Variants in ZFP82 observed in about 807,000 individuals in gnomAD.
The protein encoded by ZFP82 is ZFP82 zinc finger protein.
In ZFP82, 30 loss-of-function variants were observed where a neutral mutation model predicts 54.0. The observed-to-expected ratio is 0.56, with a 90% CI of 0.42 to 0.75. ZFP82 has a LOEUF of 0.75. ZFP82 is among the 30% of genes least tolerant of loss of function. The pLI is 0.00. For missense variants in ZFP82, 500 were observed against 636.8 expected, an observed-to-expected ratio of 0.79 and a Z score of 2.31; for synonymous variants, 194 against 209.5, an observed-to-expected ratio of 0.93 and a Z score of 0.64.
chr19:36,395,633 G>GTCTCATACACAACAATACA (rs2032280486), intron 4 of ZFP82: 1 of 152,138 alleles, frequency 6.6e-6, no homozygotes, highest in African/African-American at 2.4e-5. Flanking sequence ...CAAGCTGAAT[G>GTCTCATACACAACAATACA]AGTTGTGTAT....
chr19:36,397,429 A>G (rs961951286), intron 4 of ZFP82, among the ~76,000 whole-genome samples: 1 of 151,978 alleles, frequency 6.6e-6, no homozygotes, highest in Admixed American at 6.6e-5. Context: ...AATGTAAGCC[A>G]TGGTTAAGAT....
chr19:36,416,678 C>T (rs112608286), intron 1 of ZFP82, among the ~76,000 whole-genome samples: 4,033 of 150,606 alleles, frequency 0.027, 165 homozygotes, highest in African/African-American at 0.094. Flanking sequence ...ATCGCTTGAA[C>T]CTGGGAGGCG....
chr19:36,403,622 G>GAA (rs369237432), intron 4 of ZFP82, among the ~76,000 whole-genome samples: 38,064 of 131,544 alleles, frequency 0.29, 7,415 homozygotes, highest in African/African-American at 0.52. Context: ...TCCGTCGCAA[G>GAA]AAAAAAAAAA....
At chr19:36,386,407 G>C (rs1342767625), downstream of ZFP82, among the ~76,000 whole-genome samples, 1 of 152,226 alleles carries the variant, frequency 6.6e-6, no homozygotes, top group African/African-American at 2.4e-5. Flanking sequence ...AGTCAGATTT[G>C]TCCATGAGCA....
chr19:36,408,026 A>G lies in ZFP82; in HGVS notation c.10-13T>C. Reference sequence around the variant, plus strand: ...ACATCACTGATCGCTGAAATGACAAACCACACATTATAAATGAAATGGAAG... The same window carrying G: ...ACATCACTGATCGCTGAAATGACAAGCCACACATTATAAATGAAATGGAAG... On this transcript the variant is annotated splice_polypyrimidine_tract_variant and intron_variant, in intron 2 of 4. Coordinates refer to ENST00000392161, the MANE Select transcript of ZFP82 (RefSeq NM_133466.4). 1 of 1,610,800 alleles carries G rather than the reference A, an allele frequency of 6.2e-7. No homozygotes were observed. Among genetic ancestry groups the G allele is most frequent in the Admixed American group, 1.7e-5 (1 of 59,430 alleles).
At chr19:36,412,285 G>A (rs1448232817) in intron 1 of ZFP82, among the ~76,000 whole-genome samples, 5 of 152,022 alleles carry the variant, frequency 3.3e-5, no homozygotes, top group South Asian at 2.1e-4. Context: ...TTTCCTTTTC[G>A]CTTACATTTA....
chr19:36,396,413 C>T (rs1470193154), intron 4 of ZFP82, among the ~76,000 whole-genome samples: 1 of 151,934 alleles, frequency 6.6e-6, no homozygotes, highest in Non-Finnish European at 1.5e-5. Context: ...TTTGGGAGGC[C>T]GAGATGGGTG....
intron 1 of ZFP82, among the ~76,000 whole-genome samples, chr19:36,410,707 T>A (rs2032564773): frequency 1.3e-5 from 2 of 151,768 alleles, no homozygotes; most frequent in Non-Finnish European, 2.9e-5. Context: ...TTCACCATAT[T>A]CACCAGGCTG....
At chr19:36,410,453 ATG>A (rs1302873440) in intron 1 of ZFP82, among the ~76,000 whole-genome samples, 1 of 111,238 alleles carries the variant, frequency 9.0e-6, no homozygotes, top group Admixed American at 9.5e-5. Flanking sequence ...GTGTGTGTAT[ATG>A]TGTGTGTATA....
intron 4 of ZFP82, chr19:36,395,068 T>C (rs1429053766): frequency 6.6e-6 from 1 of 152,236 alleles, no homozygotes; most frequent in African/African-American, 2.4e-5. Context: ...AATATTCTCT[T>C]TATTCATCCA....
chr19:36,395,358 T>C (rs542680495), intron 4 of ZFP82: 5 of 152,344 alleles, frequency 3.3e-5, no homozygotes, highest in Admixed American at 1.3e-4. Flanking sequence ...CATTCCCTCA[T>C]AGTCAAGGCC....
intron 2 of ZFP82, 150 bp downstream of exon 2, chr19:36,409,631 G>T: frequency 2.6e-6 from 2 of 761,118 alleles, no homozygotes; most frequent in Non-Finnish European, 4.5e-6. Flanking sequence ...AGTGTTCATA[G>T]GACAAGCATT....
At position 36,408,003 on chromosome 19, in the gene ZFP82, A is replaced by G. The variant is rs750898785; in HGVS notation, c.20T>C (p.Met7Thr). 1.2e-6 allele frequency: 2 copies of G among 1,613,532 alleles called. No homozygotes were observed. The highest frequency in any genetic ancestry group is 1.3e-5 in the African/African-American group (1 of 75,056). Reference sequence around the variant, plus strand: ...GAAGTCTATGGATACATCACTGAACATCACTGATCGCTGAAATGACAAACC... The same window carrying G: ...GAAGTCTATGGATACATCACTGAACGTCACTGATCGCTGAAATGACAAACC... The part of the protein sequence containing the change: MALRSV[M>T]FSDVSIDFSP... The change falls in exon 3 of 5, where the codon ATG becomes ACG. Residue 7 changes from methionine (M) to threonine (T), a missense_variant. By Grantham distance (81) the Met-to-Thr change is moderately conservative. Transcript: ENST00000392161.
At chr19:36,416,932 G>A (rs2032681529) in intron 1 of ZFP82, among the ~76,000 whole-genome samples, 1 of 124,346 alleles carries the variant, frequency 8.0e-6, no homozygotes, top group African/African-American at 2.7e-5. Flanking sequence ...AATTAGCTGG[G>A]TGTGGTGGTG....
At position 36,391,144 on chromosome 19, in the gene ZFP82, A is replaced by G. The variant is rs2032192724; in HGVS notation, c.*1597T>C. On this transcript the variant is annotated 3_prime_UTR_variant, in exon 5 of 5. Transcript: ENST00000392161. ...CCAACTTTTGGTTGTCTTGAAATAT[A>G]GTTTGTAAAGGATAGGCAAGGTAAA... 1 of 152,112 alleles carries G rather than the reference A, an allele frequency of 6.6e-6. No homozygotes were observed. Among genetic ancestry groups the G allele is most frequent in the South Asian group, 2.1e-4 (1 of 4,834 alleles). 9.4% of individuals were successfully genotyped at this position (152,112 alleles called of 1,614,324 possible).
intron 3 of ZFP82, among the ~76,000 whole-genome samples, chr19:36,406,969 C>T (rs1033621123): frequency 6.6e-6 from 1 of 151,524 alleles, no homozygotes; most frequent in African/African-American, 2.4e-5. Context: ...AAAATACTCT[C>T]TTGTAGCTAT....
At chr19:36,398,953 TAAAAAATCAGAAA>T (rs940331207) in intron 4 of ZFP82, among the ~76,000 whole-genome samples, 3 of 151,730 alleles carry the variant, frequency 2.0e-5, no homozygotes, top group Non-Finnish European at 4.4e-5. Flanking sequence ...TCAACATAAT[TAAAAAATCAGAAA>T]AAAAAATCAG....
rs747811812 is a variant in ZFP82 at position 36,393,458 on chromosome 19, G to A, written c.882C>T (p.Tyr294=). 44 of 1,613,318 alleles carry A rather than the reference G, an allele frequency of 2.7e-5. No individual in the cohort carries two copies. Among genetic ancestry groups the A allele is most frequent in the Admixed American group, 2.7e-4 (16 of 59,932 alleles). The change falls in exon 5 of 5, where the codon TAC becomes TAT. Residue 294 remains tyrosine, a synonymous_variant. Transcript: ENST00000392161. The part of the protein sequence containing the change: ...CKECGKAFRQ[Y]AHLTRHQKLN... ...GCTTCTGATGCCGAGTCAGGTGTGC[G>A]TACTGTCTAAAGGCTTTTCCACACT...
rs2032234955 is a variant in ZFP82, at chr19:36,393,275, G to C, written c.1065C>G (p.Leu355=). The C allele has an allele frequency of 1.9e-6, 3 of 1,599,954 alleles. No homozygotes were observed. The highest frequency in any genetic ancestry group is 1.1e-5 in the South Asian group (1 of 90,222). The part of the protein sequence containing the change: ...KAFRVRQQLT[L]HQRIHTGEKP... ...TCTCACCAGTATGAATTCTCTGATG[G>C]AGTGTTAGTTGTTGTCGCACTCTAA... Residue 355 remains leucine (L), a synonymous_variant, in exon 5 of 5, where the codon CTC becomes CTG. Transcript: ENST00000392161.
Sources: gnomAD v4.1 joint callset for allele counts (sites outside exome capture counted in the v4.1 genomes callset) on GRCh38, gnomAD v4.1.1 for gene constraint, MANE v1.5 for transcripts, NCBI Gene and HGNC (gene_info 2026-07-23, HGNC 2026-07-21) for gene names.